The following CFAP61 variants were observed in gnomAD, a reference collection of about 807,000 sequenced individuals.
CFAP61 encodes cilia- and flagella-associated protein 61.
In CFAP61, 107 loss-of-function variants were observed where a neutral mutation model predicts 135.6. The ratio of observed to expected loss-of-function variants is 0.79; its 90% CI spans 0.67 to 0.93. CFAP61 has a LOEUF of 0.93. Among genes scored for constraint, CFAP61 ranks in the 40% least tolerant of loss-of-function variants. CFAP61 has a pLI of 0.00. For missense variants in CFAP61, 1,507 were observed against 1,556.2 expected (o/e 0.97, Z 0.53); for synonymous variants, 575 against 578.5 (o/e 0.99, Z 0.09).
chr20:20,213,866 C>T (rs2047845260), intron 17 of CFAP61, among the ~76,000 whole-genome samples: 1 of 151,706 alleles, frequency 6.6e-6, no homozygotes, highest in Non-Finnish European at 1.5e-5. Flanking sequence ...TTTTTCACAC[C>T]CTTCAGGAGA....
Position 20,106,000 on chromosome 20 carries a change from C to CTATACATATATATATATA in CFAP61, c.859+7190_859+7191insCATATATATATATATATA, listed in dbSNP as rs1277233037. Among the ~76,000 whole-genome samples, 28 of 102,632 alleles carry CTATACATATATATATATA rather than the reference C, an allele frequency of 2.7e-4. 1 individual carries two copies. Among genetic ancestry groups the CTATACATATATATATATA allele is most frequent in the East Asian group, 1.1e-3 (2 of 1,792 alleles). The allele number at this position is 102,632 out of a possible 152,430, so 67.3% of individuals were successfully genotyped here. On this transcript the variant is annotated intron_variant, in intron 8 of 26. Coordinates refer to ENST00000245957, the MANE Select transcript of CFAP61 (RefSeq NM_015585.4). Reference sequence around the variant, plus strand: ...CTTCGAAAGCTTTAGCTACTCTTGCCTATATATATATATATATATATATAT... The same window carrying CTATACATATATATATATA: ...CTTCGAAAGCTTTAGCTACTCTTGCCTATACATATATATATATATATATATATATATATATATATATAT...
rs114694885 is a variant in CFAP61, at chr20:20,304,825, G to A, written c.3422+6439G>A. 5.4e-3 allele frequency among the ~76,000 whole-genome samples: 826 copies of A among 152,044 alleles called. 11 individuals are homozygous for A. Among genetic ancestry groups the A allele is most frequent in the African/African-American group, 0.016 (660 of 41,470 alleles). On this transcript the variant is annotated intron_variant, in intron 25 of 26. Transcript: ENST00000245957. ...TTGAGATGCCGCCTGTCAGGTACCC[G>A]AACACCCCTGTCCCGTGTCTTCTCG...
intron 18 of CFAP61, among the ~76,000 whole-genome samples, chr20:20,235,689 G>A (rs993101324): frequency 7.9e-5 from 12 of 152,074 alleles, no homozygotes; most frequent in Non-Finnish European, 1.5e-4. Context: ...TTATCTTGGC[G>A]CACATAAAAT....
chr20:20,222,419 T>C (rs574350994), intron 17 of CFAP61, among the ~76,000 whole-genome samples: 1 of 152,230 alleles, frequency 6.6e-6, no homozygotes, highest in East Asian at 1.9e-4. Context: ...CTCTATCCAG[T>C]GTTAAGAAAA....
At chr20:20,089,101 C>G (rs2047001276) in intron 6 of CFAP61, among the ~76,000 whole-genome samples, 1 of 152,114 alleles carries the variant, frequency 6.6e-6, no homozygotes. Context: ...CCCCTCTCAA[C>G]TCTTTTGCTT....
At chr20:20,237,143 G>A (rs1451595603) in intron 18 of CFAP61, among the ~76,000 whole-genome samples, 1 of 152,132 alleles carries the variant, frequency 6.6e-6, no homozygotes, top group African/African-American at 2.4e-5. Context: ...TGATACATAA[G>A]TTTTTTATCT....
intron 9 of CFAP61, among the ~76,000 whole-genome samples, chr20:20,153,190 A>G (rs1013579589): frequency 6.6e-6 from 1 of 152,208 alleles, no homozygotes; most frequent in African/African-American, 2.4e-5. Context: ...TAGTGACACA[A>G]TTTATCAAAA....
Position 20,065,275 on chromosome 20 carries a change from C to T in CFAP61, c.144-5579C>T, listed in dbSNP as rs148275502. Among the ~76,000 whole-genome samples the T allele has an allele frequency of 3.5e-3, 531 of 152,072 alleles. 4 individuals are homozygous for T. Among genetic ancestry groups the T allele is most frequent in the South Asian group, 0.016 (79 of 4,816 alleles). On this transcript the variant is annotated intron_variant, in intron 2 of 26. Transcript: ENST00000245957. ...CTGGTGAATGCCAACCCTTGGATAC[C>T]TAGTAGGCACTTGGAACCTAGCATG...
chr20:20,068,731 A>G lies in CFAP61; in HGVS notation c.144-2123A>G, dbSNP rs536645244. On this transcript the variant is annotated intron_variant, in intron 2 of 26. Transcript: ENST00000245957. Reference sequence around the variant, plus strand: ...AAAAATTTTTTGTTTTAAATGTTACATCTTTATAGTTACCTTCCTTTTTAT... The same window carrying G: ...AAAAATTTTTTGTTTTAAATGTTACGTCTTTATAGTTACCTTCCTTTTTAT... Among the ~76,000 whole-genome samples, 13 of 152,228 alleles carry G rather than the reference A, an allele frequency of 8.5e-5. 1 individual carries two copies. In the South Asian group the frequency reaches 2.5e-3, roughly 29 times the overall value.
At chr20:20,210,574 C>G (rs924848927) in intron 17 of CFAP61, among the ~76,000 whole-genome samples, 1 of 152,198 alleles carries the variant, frequency 6.6e-6, no homozygotes, top group Non-Finnish European at 1.5e-5. Flanking sequence ...TGAAACACAT[C>G]TGCTAGTACA....
intron 22 of CFAP61, among the ~76,000 whole-genome samples, chr20:20,284,970 G>A (rs1314428451): frequency 6.6e-6 from 1 of 152,134 alleles, no homozygotes; most frequent in Non-Finnish European, 1.5e-5. Context: ...TTATTGTATT[G>A]TAGGTCTGCT....
At chr20:20,079,456 AG>A (rs1362781347) in intron 6 of CFAP61, among the ~76,000 whole-genome samples, 2 of 151,936 alleles carry the variant, frequency 1.3e-5, no homozygotes, top group Non-Finnish European at 2.9e-5. Context: ...TTTTTGCTGG[AG>A]AAAGTCACTG....
intron 7 of CFAP61, 105 bp downstream of exon 7, chr20:20,091,081 C>T: frequency 7.6e-7 from 1 of 1,320,870 alleles, no homozygotes. Flanking sequence ...CATTGTCTCC[C>T]TGGCCACCCC....
intron 25 of CFAP61, among the ~76,000 whole-genome samples, chr20:20,307,477 T>C (rs1434745335): frequency 6.6e-6 from 1 of 152,222 alleles, no homozygotes; most frequent in Non-Finnish European, 1.5e-5. Context: ...GCTCGTGTGT[T>C]CCTGTTCGCT....
chr20:20,132,715 A>G (rs959237608), intron 8 of CFAP61, among the ~76,000 whole-genome samples: 3 of 152,066 alleles, frequency 2.0e-5, no homozygotes, highest in Non-Finnish European at 2.9e-5. Flanking sequence ...AAATTATTCT[A>G]TCTTCCTTGA....
Position 20,228,254 on chromosome 20 carries a change from T to A in CFAP61, c.1938T>A (p.Ser646Arg), listed in dbSNP as rs776844690. 6.2e-7 allele frequency: 1 copy of A among 1,601,392 alleles called. No homozygotes were observed. Among genetic ancestry groups the A allele is most frequent in the Non-Finnish European group, 8.5e-7 (1 of 1,169,836 alleles). The change falls in exon 18 of 27, where the codon AGT becomes AGA. Residue 646 changes from serine to arginine, a missense_variant. Physicochemically the swap from Ser to Arg is moderately radical, Grantham distance 110 (BLOSUM62 -1). Transcript: ENST00000245957. ...TCTTCGTATTTTTTTTCCAGATGAG[T>A]TATGCTTTAAACCATACAAACAGAA... is the stretch of plus-strand genomic sequence containing the variant. ...PSKAVSKDPMSYALNHTNRKL... is the reference protein window; with the variant it reads ...PSKAVSKDPMRYALNHTNRKL...
At position 20,070,985 on chromosome 20, in the gene CFAP61, AC is replaced by A; in HGVS notation, c.276del (p.Asp92GlufsTer9). 6.2e-7 allele frequency: 1 copy of A among 1,614,148 alleles called. No individual in the cohort carries two copies. Among genetic ancestry groups the A allele is most frequent in the Non-Finnish European group, 8.5e-7 (1 of 1,180,002 alleles). On this transcript the variant is annotated frameshift_variant, in exon 3 of 27. Coordinates refer to ENST00000245957, the MANE Select transcript of CFAP61 (RefSeq NM_015585.4). LOFTEE classifies it high-confidence loss of function. Reference sequence around the variant, plus strand: ...TGGGTGTCAGTGTTCCGGGAGCTCGACAGTGACATCCCATGCACAGTAAGAA... The same window carrying A: ...TGGGTGTCAGTGTTCCGGGAGCTCGAAGTGACATCCCATGCACAGTAAGAA... The part of the protein sequence containing the change: ...DDWVSVFREL[D>X]SDIPCTPLNT...
At chr20:20,201,978 C>T (rs1053719283) in intron 17 of CFAP61, among the ~76,000 whole-genome samples, 1 of 150,944 alleles carries the variant, frequency 6.6e-6, no homozygotes, top group African/African-American at 2.4e-5. Context: ...CCCCCTCCCT[C>T]CCACCCTACT....
chr20:20,262,079 A>G (rs1469053840), intron 20 of CFAP61, among the ~76,000 whole-genome samples: 2 of 152,166 alleles, frequency 1.3e-5, no homozygotes, highest in Admixed American at 6.5e-5. Context: ...ATATCCTTAA[A>G]TTTCAACCCC....
Sources: allele counts gnomAD v4.1 joint callset (sites outside exome capture counted in the v4.1 genomes callset), GRCh38; gene constraint gnomAD v4.1.1; transcripts MANE v1.5; gene names NCBI Gene and HGNC (gene_info 2026-07-23, HGNC 2026-07-21).